The following SETD1A variants were observed in gnomAD, a reference collection of about 807,000 sequenced individuals.
The protein encoded by SETD1A is histone-lysine N-methyltransferase SETD1A.
Under a neutral mutation model 149.9 loss-of-function variants are expected in SETD1A, and 29 were observed. The ratio of observed to expected loss-of-function variants is 0.19; its 90% CI spans 0.14 to 0.26. The LOEUF (loss-of-function observed/expected upper bound fraction) is 0.26. Ranked by LOEUF, SETD1A falls within the 10% of genes least tolerant of loss-of-function variation. SETD1A has a pLI of 1.00. For missense variants in SETD1A, 2,109 were observed against 2,353.1 expected, an observed-to-expected ratio of 0.90 and a Z score of 2.15; for synonymous variants, 1,141 against 968.5, an observed-to-expected ratio of 1.18 and a Z score of -3.31.
At position 30,961,811 on chromosome 16, in the gene SETD1A, G is replaced by T. The variant is rs937319581; in HGVS notation, c.517+274G>T. Among the ~76,000 whole-genome samples the T allele has an allele frequency of 6.6e-6, 1 of 152,086 alleles. No homozygotes were observed. Among genetic ancestry groups the T allele is most frequent in the African/African-American group, 2.4e-5 (1 of 41,418 alleles). ...TCATATGAAGGGTTGTACTAGGTAA[G>T]ATGAATAGATTGTAGTAAATCAGCC... On this transcript the variant is annotated intron_variant, in intron 4 of 18. Coordinates refer to ENST00000262519, the MANE Select transcript of SETD1A (RefSeq NM_014712.3). The surrounding 1 kb of genome is among the most constrained non-coding windows in gnomAD (Gnocchi z 4.0).
At chr16:30,959,922 G>T (rs1234200655) in intron 3 of SETD1A, among the ~76,000 whole-genome samples, 2 of 152,000 alleles carry the variant, frequency 1.3e-5, no homozygotes, top group Admixed American at 1.3e-4. Context: ...ACATGTTTCA[G>T]ATTTAAGGGA....
chr16:30,963,597 T>A (rs745864766), intron 5 of SETD1A, 43 bp downstream of exon 5: 1 of 1,588,368 alleles, frequency 6.3e-7, no homozygotes, highest in African/African-American at 1.4e-5. Context: ...CATGTGGGCA[T>A]GGTGTCCGGG....
In SETD1A at chr16:30,966,865, G is replaced by T. The variant is rs1347490995; in HGVS notation, c.2506-19G>T. 3 of 1,540,314 alleles carry T rather than the reference G, an allele frequency of 1.9e-6. No homozygotes were observed. The highest frequency in any genetic ancestry group is 2.6e-6 in the Non-Finnish European group (3 of 1,141,542). ...CCTGGGTTCTGGGCGCTGGGGCTCA[G>T]CCCCACTGCTGCCTGCAGCCATTCC... On this transcript the variant is annotated intron_variant, in intron 8 of 18. Coordinates refer to ENST00000262519, the MANE Select transcript of SETD1A (RefSeq NM_014712.3).
chr16:30,968,395 T>C (rs1456417805), intron 10 of SETD1A, among the ~76,000 whole-genome samples: 2 of 129,742 alleles, frequency 1.5e-5, no homozygotes, highest in Admixed American at 8.6e-5. Flanking sequence ...AGCACGAGAC[T>C]GTGTCTCAAA....
intron 5 of SETD1A, 106 bp downstream of exon 5, chr16:30,963,660 A>C: frequency 2.4e-6 from 3 of 1,244,856 alleles, no homozygotes; most frequent in South Asian, 1.5e-5. Context: ...CGTTAAACAA[A>C]GAAGAGCCAA....
At position 30,969,567 on chromosome 16, in the gene SETD1A, C is replaced by T. The variant is rs139231034; in HGVS notation, c.2929-35C>T. The T allele has an allele frequency of 1.1e-4, 174 of 1,607,366 alleles. 1 individual carries two copies. In the African/African-American group the frequency reaches 1.8e-3, roughly 17 times the overall value. On this transcript the variant is annotated intron_variant, in intron 11 of 18. Transcript: ENST00000262519. ...TGCCTGGTGTAGGACCAGTTGTCCC[C>T]TTCCTGTTAGTCCTCATTTGTCTTT...
Position 30,965,502 on chromosome 16 carries a change from G to A in SETD1A, c.1719+41G>A, listed in dbSNP as rs1260282219. On this transcript the variant is annotated intron_variant, in intron 7 of 18. Transcript: ENST00000262519. ...GCCAGAGGAGGCACCTGGGCTCTGGGAGTCAGGGTTGGGCCTAGGGGAGAG... is the reference window on the plus strand; with the variant it reads ...GCCAGAGGAGGCACCTGGGCTCTGGAAGTCAGGGTTGGGCCTAGGGGAGAG... 5 of 1,582,378 alleles carry A rather than the reference G, an allele frequency of 3.2e-6. 1 individual carries two copies. Among genetic ancestry groups the A allele is most frequent in the East Asian group, 4.5e-5 (2 of 44,368 alleles).
At position 30,961,017 on chromosome 16, in the gene SETD1A, A is replaced by G. The variant is rs944936495; in HGVS notation, c.247-250A>G. On this transcript the variant is annotated intron_variant, in intron 3 of 18. Coordinates refer to ENST00000262519, the MANE Select transcript of SETD1A (RefSeq NM_014712.3). This position sits in a 1 kb window ranked among gnomAD's most constrained non-coding sequence, Gnocchi z 4.0. ...CTCATCCTCCCAAAGTGTTGGGATT[A>G]TAAGTGTGAGCTGCCACACCCGGCC... 1.3e-5 allele frequency among the ~76,000 whole-genome samples: 2 copies of G among 151,978 alleles called. No homozygotes were observed. Among genetic ancestry groups the G allele is most frequent in the Admixed American group, 6.5e-5 (1 of 15,270 alleles).
intron 13 of SETD1A, among the ~76,000 whole-genome samples, chr16:30,978,085 C>G (rs2056307794): frequency 6.6e-6 from 1 of 151,574 alleles, no homozygotes. Context: ...ACCATCCTGG[C>G]CAACATGGTG....
chr16:30,967,352 CTG>C, intron 9 of SETD1A, 147 bp from the exon 10 acceptor site: 2 of 742,996 alleles, frequency 2.7e-6, no homozygotes, highest in South Asian at 1.6e-5. Context: ...TGGGGTTTCA[CTG>C]TGTTGGCCAG....
chr16:30,966,531 G>T, intron 8 of SETD1A, 145 bp downstream of exon 8: 1 of 1,324,552 alleles, frequency 7.5e-7, no homozygotes, highest in Non-Finnish European at 1.0e-6. Context: ...ACCCTGGGTG[G>T]GCAGGGGAGT....
rs2056363631 is a variant in SETD1A, at chr16:30,980,685, C to T, written c.4581+28C>T. Reference sequence around the variant, plus strand: ...GGGCCTAACCCCGCCGCCGCGTCCTCCTGCCACTCACTTCCCTGCCCTGCT... The same window carrying T: ...GGGCCTAACCCCGCCGCCGCGTCCTTCTGCCACTCACTTCCCTGCCCTGCT... On this transcript the variant is annotated intron_variant, in intron 15 of 18. Transcript: ENST00000262519. This position sits in a 1 kb window ranked among gnomAD's most constrained non-coding sequence, Gnocchi z 7.7. 2.5e-6 allele frequency: 4 copies of T among 1,611,002 alleles called. No individual in the cohort carries two copies. The highest frequency in any genetic ancestry group is 2.2e-5 in the East Asian group (1 of 44,866).
intron 10 of SETD1A, 88 bp downstream of exon 10, chr16:30,967,676 C>A: frequency 1.8e-6 from 2 of 1,102,692 alleles, no homozygotes; most frequent in Non-Finnish European, 2.7e-6. Context: ...GTCAGGTCGT[C>A]CTGAGGGCAC....
At chr16:30,982,692 G>T (rs2143599892) in intron 17 of SETD1A, among the ~76,000 whole-genome samples, 1 of 143,702 alleles carries the variant, frequency 7.0e-6, no homozygotes, top group South Asian at 2.2e-4. Flanking sequence ...CGCAGGAGAG[G>T]GCCCCATGGC....
chr16:30,966,530 G>C, intron 8 of SETD1A, 144 bp downstream of exon 8: 1 of 1,321,488 alleles, frequency 7.6e-7, no homozygotes, highest in Non-Finnish European at 1.0e-6. Flanking sequence ...CACCCTGGGT[G>C]GGCAGGGGAG....
rs2056352188 is a variant in SETD1A, at chr16:30,980,121, T to A, written c.4335T>A (p.Leu1445=). 6.2e-7 allele frequency: 1 copy of A among 1,613,138 alleles called. No individual in the cohort carries two copies. The highest frequency in any genetic ancestry group is 2.2e-5 in the East Asian group (1 of 44,860). Residue 1445 remains leucine, a synonymous_variant, in exon 14 of 19, where the codon CTT becomes CTA. Transcript: ENST00000262519. The surrounding 1 kb of genome is among the most constrained non-coding windows in gnomAD (Gnocchi z 7.7). ...CAGAGGACATGAGTTACCTGCGGCTTACGTACGAGCGGCTGCTGCAGCAGA... is the reference window on the plus strand; with the variant it reads ...CAGAGGACATGAGTTACCTGCGGCTAACGTACGAGCGGCTGCTGCAGCAGA... ...LDSEDMSYLR[L]TYERLLQQTS... is the part of the protein sequence containing the mutation.
rs777212985 is a variant in SETD1A, at chr16:30,965,317, T to G, written c.1575T>G (p.Asp525Glu). 6.2e-7 allele frequency: 1 copy of G among 1,614,212 alleles called. No individual in the cohort carries two copies. Among genetic ancestry groups the G allele is most frequent in the Non-Finnish European group, 8.5e-7 (1 of 1,180,034 alleles). ...ENSSMVLGAR[D>E]TGSEVPSGSG... ...GCAGCATGGTCCTTGGGGCCAGAGA[T>G]ACAGGGAGTGAGGTGCCTTCTGGGT... Residue 525 changes from aspartate to glutamate, a missense_variant, in exon 7 of 19, where the codon GAT becomes GAG. By Grantham distance (45) the Asp-to-Glu change is conservative. Coordinates refer to ENST00000262519, the MANE Select transcript of SETD1A (RefSeq NM_014712.3).
In SETD1A at chr16:30,966,868, C is replaced by A; in HGVS notation, c.2506-16C>A. 1 of 1,543,096 alleles carries A rather than the reference C, an allele frequency of 6.5e-7. No homozygotes were observed. The highest frequency in any genetic ancestry group is 1.2e-5 in the South Asian group (1 of 82,892). On this transcript the variant is annotated splice_polypyrimidine_tract_variant and intron_variant, in intron 8 of 18. Transcript: ENST00000262519. The stretch of plus-strand genomic sequence containing the variant: ...GGGTTCTGGGCGCTGGGGCTCAGCC[C>A]CACTGCTGCCTGCAGCCATTCCAGA...
In SETD1A at chr16:30,965,529, G is replaced by A. The variant is rs547530094; in HGVS notation, c.1719+68G>A. On this transcript the variant is annotated intron_variant, in intron 7 of 18. Transcript: ENST00000262519. ...GTCAGGGTTGGGCCTAGGGGAGAGGGAAGGGAACCAGATGAGAAAGTAGGG... is the reference window on the plus strand; with the variant it reads ...GTCAGGGTTGGGCCTAGGGGAGAGGAAAGGGAACCAGATGAGAAAGTAGGG... The A allele has an allele frequency of 9.4e-6, 15 of 1,590,408 alleles. No homozygotes were observed. The Admixed American group carries it at 1.2e-4, about 13-fold the overall frequency.
Sources: gnomAD v4.1 joint callset for allele counts (sites outside exome capture counted in the v4.1 genomes callset) on GRCh38, gnomAD v4.1.1 for gene constraint, Gnocchi (gnomAD v3.1) non-coding constraint, MANE v1.5 for transcripts, NCBI Gene and HGNC (gene_info 2026-07-23, HGNC 2026-07-21) for gene names.